WDR35: variants seen among roughly 807,000 people sequenced by gnomAD.
The protein encoded by WDR35 is WD repeat-containing protein 35.
Under a neutral mutation model 158.3 loss-of-function variants are expected in WDR35, and 118 were observed. The ratio of observed to expected loss-of-function variants is 0.75; its 90% CI spans 0.64 to 0.87. The LOEUF is 0.87. Among genes scored for constraint, WDR35 ranks in the 40% least tolerant of loss-of-function variants. The pLI is 0.00. For missense variants in WDR35, 1,263 were observed against 1,405.8 expected, an observed-to-expected ratio of 0.90 and a Z score of 1.62; for synonymous variants, 448 against 476.1, an observed-to-expected ratio of 0.94 and a Z score of 0.77.
intron 25 of WDR35, among the ~76,000 whole-genome samples, chr2:19,920,850 T>C (rs1670145999): frequency 6.6e-6 from 1 of 152,122 alleles, no homozygotes; most frequent in Non-Finnish European, 1.5e-5. Flanking sequence ...CAGCCCCAAA[T>C]CTCCTTAAGC....
At chr2:19,933,594 G>T (rs1171554456) in intron 21 of WDR35, 83 bp from the exon 22 acceptor site, 4 of 1,186,184 alleles carry the variant, frequency 3.4e-6, no homozygotes, top group Non-Finnish European at 4.9e-6. Context: ...CCGTAGGGAC[G>T]TATGAGTATT....
chr2:19,914,133 T>C lies in WDR35; in HGVS notation c.3266A>G (p.Glu1089Gly). Residue 1089 changes from glutamate to glycine, a missense_variant, in exon 26 of 27, where the codon GAA becomes GGA. Coordinates refer to ENST00000281405, the MANE Select transcript of WDR35 (RefSeq NM_020779.4). ...KLKSLETLSS[E>G]QKQQYEDLAL... ...AAGGTCTTCATACTGCTGTTTCTGT[T>C]CTGAACTGAGGGTCTCTAAAGATTT... 1.2e-6 allele frequency: 2 copies of C among 1,614,190 alleles called. No individual in the cohort carries two copies. The highest frequency in any genetic ancestry group is 1.3e-5 in the African/African-American group (1 of 75,058).
intron 25 of WDR35, among the ~76,000 whole-genome samples, chr2:19,928,508 G>A (rs548820449): frequency 1.2e-4 from 18 of 152,034 alleles, no homozygotes; most frequent in African/African-American, 3.9e-4. Context: ...AGCTGGTCTC[G>A]GCACATTAAG....
At chr2:19,936,173 C>T in intron 20 of WDR35, 46 bp downstream of exon 20, 1 of 1,612,988 alleles carries the variant, frequency 6.2e-7, no homozygotes, top group South Asian at 1.1e-5. Context: ...CAGGCAGCTA[C>T]TAAGTGTTGC....
Position 19,913,633 on chromosome 2 carries a change from T to C in WDR35, c.3438A>G (p.Val1146=), listed in dbSNP as rs763702685. 8 of 1,614,040 alleles carry C rather than the reference T, an allele frequency of 5.0e-6. No homozygotes were observed. The highest frequency in any genetic ancestry group is 2.7e-5 in the African/African-American group (2 of 74,946). Residue 1146 remains valine, a synonymous_variant, in exon 27 of 27, where the codon GTA becomes GTG. Coordinates refer to ENST00000281405, the MANE Select transcript of WDR35 (RefSeq NM_020779.4). ...CCTGAGCAAGGACACCGTGTTTGCA[T>C]ACACTGCACATCCAGAATTGATACT... The part of the protein sequence containing the change: ...ITEYQFWMCS[V]CKHGVLAQEI...
intron 25 of WDR35, among the ~76,000 whole-genome samples, chr2:19,922,175 T>C (rs1451574352): frequency 6.6e-6 from 1 of 152,166 alleles, no homozygotes; most frequent in Admixed American, 6.5e-5. Flanking sequence ...TCCTCAAGGA[T>C]CTAGAACTAG....
intron 17 of WDR35, among the ~76,000 whole-genome samples, chr2:19,940,925 C>A (rs1239172952): frequency 3.3e-5 from 5 of 152,102 alleles, no homozygotes; most frequent in Admixed American, 3.3e-4. Context: ...ATCTTTACAT[C>A]CAAACCAAAT....
In WDR35 at chr2:19,975,578, TC is replaced by T; in HGVS notation, c.521del (p.Gly174GlufsTer17). The stretch of plus-strand genomic sequence containing the variant: ...AAATGTGTATTTCCCCATTTGCCAT[TC>T]CAAAAAGTAAGACTTTACTGTCCGC... ...WSADSKVLLF[G>X]MANGEIHIYD... On this transcript the variant is annotated frameshift_variant, in exon 6 of 27. Coordinates refer to ENST00000281405, the MANE Select transcript of WDR35 (RefSeq NM_020779.4). LOFTEE classifies it high-confidence loss of function. 6.2e-7 allele frequency: 1 copy of T among 1,614,056 alleles called. No homozygotes were observed. Among genetic ancestry groups the T allele is most frequent in the Non-Finnish European group, 8.5e-7 (1 of 1,179,966 alleles).
chr2:19,919,035 T>C (rs1420326028), intron 25 of WDR35, among the ~76,000 whole-genome samples: 1 of 152,124 alleles, frequency 6.6e-6, no homozygotes. Context: ...ACAGAAATCA[T>C]AACAAATGGT....
At chr2:19,951,577 T>A in intron 12 of WDR35, 93 bp from the exon 13 acceptor site, 1 of 910,474 alleles carries the variant, frequency 1.1e-6, no homozygotes, top group Non-Finnish European at 1.7e-6. Context: ...CATCAATTAA[T>A]ACTGTTATTT....
intron 25 of WDR35, among the ~76,000 whole-genome samples, chr2:19,928,075 T>C (rs149732067): frequency 0.016 from 2,500 of 152,296 alleles, 73 homozygotes; most frequent in African/African-American, 0.058. Context: ...TCAGCAGCAC[T>C]GTGACAGGTT....
intron 8 of WDR35, 143 bp from the exon 9 acceptor site, chr2:19,969,748 A>ATT (rs61079224): frequency 7.4e-3 from 4,531 of 612,342 alleles, no homozygotes; most frequent in Non-Finnish European, 8.5e-3. Flanking sequence ...TGTTTCTTGA[A>ATT]TTTTTTTTTT....
At chr2:19,922,949 T>C (rs1197626258) in intron 25 of WDR35, among the ~76,000 whole-genome samples, 1 of 152,354 alleles carries the variant, frequency 6.6e-6, no homozygotes, top group Admixed American at 6.5e-5. Context: ...CCACAACCAG[T>C]AGCATGAGTG....
intron 25 of WDR35, among the ~76,000 whole-genome samples, chr2:19,920,958 C>T (rs950887611): frequency 2.0e-5 from 3 of 152,126 alleles, no homozygotes; most frequent in Non-Finnish European, 4.4e-5. Context: ...AGAGCCAAAT[C>T]GTGAGTGAAC....
chr2:19,980,835 A>G, intron 3 of WDR35, 52 bp from the exon 4 acceptor site: 1 of 1,520,470 alleles, frequency 6.6e-7, no homozygotes, highest in South Asian at 1.1e-5. Flanking sequence ...TTAATTTCAA[A>G]TTCACATTTT....
Position 19,945,815 on chromosome 2 carries a change from T to C in WDR35, c.1816A>G (p.Met606Val), listed in dbSNP as rs1261228515. The C allele has an allele frequency of 6.2e-7, 1 of 1,613,924 alleles. No individual in the cohort carries two copies. The highest frequency in any genetic ancestry group is 1.1e-5 in the South Asian group (1 of 91,080). Residue 606 changes from methionine (M) to valine (V), a missense_variant, in exon 16 of 27, where the codon ATG becomes GTG. Transcript: ENST00000281405. ...GGATCCAAGTTTCTGAAAACATACA[T>C]TCTTGTCTTCTCCATCATTGCAAAC... ...DLFAMMEKTRMYVFRNLDPEE... is the reference protein window; with the variant it reads ...DLFAMMEKTRVYVFRNLDPEE...
At chr2:19,952,759 A>G (rs1301304900) in intron 12 of WDR35, among the ~76,000 whole-genome samples, 1 of 142,124 alleles carries the variant, frequency 7.0e-6, no homozygotes, top group African/African-American at 2.6e-5. Flanking sequence ...CTGCCTCCAC[A>G]TGAATTCGCA....
At position 19,913,403 on chromosome 2, in the gene WDR35, T is replaced by C. The variant is rs915884341; in HGVS notation, c.*155A>G. The stretch of plus-strand genomic sequence containing the variant: ...CACAGTTGTATTGCCATAAAAATTA[T>C]TTTATTAACATATATTTTGTGCAAA... On this transcript the variant is annotated 3_prime_UTR_variant, in exon 27 of 27. Transcript: ENST00000281405. 4 of 865,004 alleles carry C rather than the reference T, an allele frequency of 4.6e-6. No individual in the cohort carries two copies. The Admixed American group carries it at 1.2e-4, about 25-fold the overall frequency. 53.6% of individuals were successfully genotyped at this position (865,004 alleles called of 1,614,324 possible). A position where few individuals can be genotyped will look rare whatever the true frequency, so the allele number is the denominator to read the frequency against.
intron 25 of WDR35, among the ~76,000 whole-genome samples, chr2:19,917,731 A>C (rs1313067054): frequency 6.6e-6 from 1 of 152,232 alleles, no homozygotes; most frequent in Non-Finnish European, 1.5e-5. Context: ...GCCTCCAAGA[A>C]GTATGGGACT....
Sources: allele counts gnomAD v4.1 joint callset (sites outside exome capture counted in the v4.1 genomes callset), GRCh38; gene constraint gnomAD v4.1.1; transcripts MANE v1.5; gene names NCBI Gene and HGNC (gene_info 2026-07-23, HGNC 2026-07-21).